PDE7B: variants seen among roughly 807,000 people sequenced by gnomAD.
PDE7B encodes the protein phosphodiesterase 7B.
In PDE7B, 29 loss-of-function variants were observed where a neutral mutation model predicts 56.2. The observed-to-expected ratio is 0.52, with a 90% CI of 0.38 to 0.70. The LOEUF (loss-of-function observed/expected upper bound fraction) is 0.70, where lower values mean the gene tolerates loss of function less well. Ranked by LOEUF, PDE7B falls within the 30% of genes least tolerant of loss-of-function variation. The pLI, the probability that PDE7B is intolerant of heterozygous loss-of-function variation, is 0.00. For missense variants in PDE7B, 490 were observed against 565.0 expected (o/e 0.87, Z 1.35); for synonymous variants, 197 against 196.9 (o/e 1.00, Z 0.00).
chr6:135,956,518 C>A (rs1434228646), intron 2 of PDE7B, among the ~76,000 whole-genome samples: 1 of 152,128 alleles, frequency 6.6e-6, no homozygotes. Flanking sequence ...GTGGCTCATG[C>A]CTGTAATCTC....
intron 2 of PDE7B, among the ~76,000 whole-genome samples, chr6:135,991,327 T>A (rs939354806): frequency 3.3e-5 from 5 of 152,208 alleles, no homozygotes; most frequent in African/African-American, 1.2e-4. Flanking sequence ...CTGACAGTAA[T>A]GCATGTGTTG....
At chr6:135,907,927 T>C (rs1776144738) in intron 1 of PDE7B, among the ~76,000 whole-genome samples, 1 of 152,098 alleles carries the variant, frequency 6.6e-6, no homozygotes, top group African/African-American at 2.4e-5. Context: ...AAATAGAAGA[T>C]GGCCCCTAAA....
intron 8 of PDE7B, among the ~76,000 whole-genome samples, chr6:136,169,410 T>G (rs1186425352): frequency 1.3e-5 from 2 of 152,202 alleles, no homozygotes; most frequent in Admixed American, 1.3e-4. Flanking sequence ...ATTTCCCTGG[T>G]GCTCATCTCC....
intron 2 of PDE7B, among the ~76,000 whole-genome samples, chr6:135,981,443 T>C (rs1021563494): frequency 6.6e-6 from 1 of 151,374 alleles, no homozygotes; most frequent in African/African-American, 2.4e-5. Context: ...ATAATAATAA[T>C]AATAATAAAA....
rs887266630 is a variant in PDE7B, at chr6:135,878,218, A to G, written c.21+26199A>G. 2.6e-5 allele frequency among the ~76,000 whole-genome samples: 4 copies of G among 151,726 alleles called. No homozygotes were observed. The East Asian group carries it at 7.7e-4, about 29-fold the overall frequency. ...CTTTGCTATGGTTCTTAGAAATTTT[A>G]TTTTCTTTGATATTTGTTTAATAAA... On this transcript the variant is annotated intron_variant, in intron 1 of 12. Transcript: ENST00000308191.
At chr6:136,025,429 ATT>A (rs2128208513) in intron 2 of PDE7B, among the ~76,000 whole-genome samples, 1 of 152,334 alleles carries the variant, frequency 6.6e-6, no homozygotes, top group African/African-American at 2.4e-5. Flanking sequence ...AGTATCTACT[ATT>A]AGATACTTAT....
At chr6:136,174,281 C>G (rs1778942826) in intron 9 of PDE7B, among the ~76,000 whole-genome samples, 1 of 151,990 alleles carries the variant, frequency 6.6e-6, no homozygotes, top group South Asian at 2.1e-4. Flanking sequence ...AGCTAGAGTT[C>G]AAAAAAGTAT....
chr6:136,064,208 A>T (rs1776892630), intron 2 of PDE7B, among the ~76,000 whole-genome samples: 1 of 152,242 alleles, frequency 6.6e-6, no homozygotes, highest in African/African-American at 2.4e-5. Context: ...TATTAACATT[A>T]CAGCTATAAA....
chr6:136,147,266 C>A (rs1778431308), intron 3 of PDE7B, 85 bp from the exon 4 acceptor site: 2 of 823,426 alleles, frequency 2.4e-6, no homozygotes, highest in Non-Finnish European at 1.9e-6. Flanking sequence ...AATTTCTCTT[C>A]TTTTAATGCA....
At chr6:136,052,432 G>A (rs1273785305) in intron 2 of PDE7B, among the ~76,000 whole-genome samples, 2 of 152,206 alleles carry the variant, frequency 1.3e-5, no homozygotes, top group Non-Finnish European at 1.5e-5. Flanking sequence ...AAGTAAATGG[G>A]AAGAGGTGAA....
At chr6:136,033,859 G>A (rs1776283713) in intron 2 of PDE7B, among the ~76,000 whole-genome samples, 1 of 148,982 alleles carries the variant, frequency 6.7e-6, no homozygotes, top group Non-Finnish European at 1.5e-5. Context: ...AATTGCATTT[G>A]TAAAAGCAGA....
At chr6:135,953,535 A>G (rs2128200347) in intron 2 of PDE7B, among the ~76,000 whole-genome samples, 1 of 152,282 alleles carries the variant, frequency 6.6e-6, no homozygotes, top group Admixed American at 6.5e-5. Context: ...GGATTACGTG[A>G]CAATAAATAT....
intron 2 of PDE7B, among the ~76,000 whole-genome samples, chr6:136,068,466 T>C (rs1451086839): frequency 6.9e-6 from 1 of 144,116 alleles, no homozygotes; most frequent in East Asian, 2.1e-4. Flanking sequence ...AGTCTCGCTC[T>C]GTCTCCCAGG....
intron 2 of PDE7B, among the ~76,000 whole-genome samples, chr6:136,011,006 A>G (rs1161385018): frequency 6.6e-6 from 1 of 152,166 alleles, no homozygotes; most frequent in Non-Finnish European, 1.5e-5. Flanking sequence ...GACATTACCA[A>G]GACCCTCAGC....
intron 1 of PDE7B, among the ~76,000 whole-genome samples, chr6:135,857,048 C>CCCTCCCTCCCTCCCTT: frequency 1.4e-5 from 1 of 70,080 alleles, no homozygotes; most frequent in South Asian, 4.7e-4. Context: ...CTCCCTCCCT[C>CCCTCCCTCCCTCCCTT]CCTCCCTTCC....
intron 2 of PDE7B, among the ~76,000 whole-genome samples, chr6:136,015,057 A>G (rs1775954739): frequency 6.6e-6 from 1 of 152,254 alleles, no homozygotes; most frequent in South Asian, 2.1e-4. Context: ...AGACACGCAC[A>G]CAGAATTTTA....
At chr6:135,996,898 G>A (rs1775574946) in intron 2 of PDE7B, among the ~76,000 whole-genome samples, 1 of 152,140 alleles carries the variant, frequency 6.6e-6, no homozygotes, top group African/African-American at 2.4e-5. Flanking sequence ...CAGGGATGCT[G>A]TGAAGATTAG....
intron 2 of PDE7B, among the ~76,000 whole-genome samples, chr6:136,101,444 C>G (rs1034888300): frequency 1.3e-5 from 2 of 152,144 alleles, no homozygotes; most frequent in Non-Finnish European, 2.9e-5. Flanking sequence ...ATTTCAGAAC[C>G]TGTTATTGGT....
In PDE7B at chr6:136,193,437, G is replaced by A. The variant is rs1211701732; in HGVS notation, c.*1597G>A. 6.6e-6 allele frequency: 1 copy of A among 152,562 alleles called. No individual in the cohort carries two copies. Among genetic ancestry groups the A allele is most frequent in the Non-Finnish European group, 1.5e-5 (1 of 68,022 alleles). 9.5% of individuals were successfully genotyped at this position (152,562 alleles called of 1,614,324 possible). On this transcript the variant is annotated 3_prime_UTR_variant, in exon 13 of 13. Transcript: ENST00000308191. Reference sequence around the variant, plus strand: ...CTGGCAGGTCATTGTAGTTAATTATGTCTCTAGCTTGGAGTGTCACCTTGG... The same window carrying A: ...CTGGCAGGTCATTGTAGTTAATTATATCTCTAGCTTGGAGTGTCACCTTGG...
Sources: gnomAD v4.1 joint callset for allele counts (sites outside exome capture counted in the v4.1 genomes callset) on GRCh38, gnomAD v4.1.1 for gene constraint, MANE v1.5 for transcripts, NCBI Gene and HGNC (gene_info 2026-07-23, HGNC 2026-07-21) for gene names.